The following KCNIP3 variants were observed in gnomAD, a reference collection of about 807,000 sequenced individuals.
The protein encoded by KCNIP3 is potassium voltage-gated channel interacting protein 3.
Under a neutral mutation model 35.0 loss-of-function variants are expected in KCNIP3, and 28 were observed. That is an observed-to-expected ratio of 0.80 (90% CI 0.59 to 1.10). The LOEUF (loss-of-function observed/expected upper bound fraction) is 1.10, where lower values mean the gene tolerates loss of function less well. KCNIP3 is among the 50% of genes least tolerant of loss of function. The probability of loss-of-function intolerance (pLI) is 0.00; values close to 1 mark genes in which losing one functional copy is unlikely to be tolerated. For missense variants in KCNIP3, 295 were observed against 338.4 expected, an observed-to-expected ratio of 0.87 and a Z score of 1.01; for synonymous variants, 134 against 133.8, an observed-to-expected ratio of 1.00 and a Z score of -0.01.
intron 2 of KCNIP3, among the ~76,000 whole-genome samples, chr2:95,370,376 T>A (rs1680014892): frequency 6.6e-6 from 1 of 152,250 alleles, no homozygotes; most frequent in South Asian, 2.1e-4. Context: ...ATGCGCTTAC[T>A]CAAGGATGTG....
At chr2:95,372,688 G>A (rs1680068566) in intron 2 of KCNIP3, among the ~76,000 whole-genome samples, 2 of 152,218 alleles carry the variant, frequency 1.3e-5, no homozygotes, top group African/African-American at 4.8e-5. Flanking sequence ...GCCAGGTGCA[G>A]GCAGGTGGGT....
In KCNIP3 at chr2:95,377,135, C is replaced by T. The variant is rs569702483; in HGVS notation, c.447+1927C>T. On this transcript the variant is annotated intron_variant, in intron 5 of 8. Transcript: ENST00000295225. The surrounding 1 kb of genome is among the most constrained non-coding windows in gnomAD (Gnocchi z 4.7). ...GCAGCAGGGAGCCCCAGGTGAGCAGCGCCACACACAGATTTGCTGAACGCT... is the reference window on the plus strand; with the variant it reads ...GCAGCAGGGAGCCCCAGGTGAGCAGTGCCACACACAGATTTGCTGAACGCT... Among the ~76,000 whole-genome samples, 4 of 152,332 alleles carry T rather than the reference C, an allele frequency of 2.6e-5. No homozygotes were observed. Among genetic ancestry groups the T allele is most frequent in the South Asian group, 2.1e-4 (1 of 4,822 alleles).
chr2:95,314,131 A>G (rs975156167), intron 2 of KCNIP3, among the ~76,000 whole-genome samples: 4 of 152,156 alleles, frequency 2.6e-5, no homozygotes, highest in Non-Finnish European at 4.4e-5. Flanking sequence ...AAAATCATAA[A>G]GACACCACCA....
rs1249732420 is a variant in KCNIP3 at position 95,377,474 on chromosome 2, CTGTGCACTCT to C, written c.447+2274_447+2283del. Among the ~76,000 whole-genome samples the C allele has an allele frequency of 6.6e-6, 1 of 152,266 alleles. No individual in the cohort carries two copies. The highest frequency in any genetic ancestry group is 1.5e-5 in the Non-Finnish European group (1 of 68,050). ...CTCCGGGCTCTGCCGGGAGACCCTC[CTGTGCACTCT>C]TGTGCACCTTCACCTGGAAGTATGC... On this transcript the variant is annotated intron_variant, in intron 5 of 8. Coordinates refer to ENST00000295225, the MANE Select transcript of KCNIP3 (RefSeq NM_013434.5). This position sits in a 1 kb window ranked among gnomAD's most constrained non-coding sequence, Gnocchi z 4.7.
chr2:95,316,711 C>T (rs1450956123), intron 2 of KCNIP3, among the ~76,000 whole-genome samples: 1 of 152,188 alleles, frequency 6.6e-6, no homozygotes, highest in African/African-American at 2.4e-5. Context: ...CAGAGATAAG[C>T]TGCCCTCACT....
At chr2:95,304,541 G>T (rs1248512231) in intron 1 of KCNIP3, among the ~76,000 whole-genome samples, 1 of 152,204 alleles carries the variant, frequency 6.6e-6, no homozygotes, top group African/African-American at 2.4e-5. Flanking sequence ...AAGCCCCCAG[G>T]ACGCAGCTGA....
intron 1 of KCNIP3, 175 bp from the exon 2 acceptor site, chr2:95,310,180 C>A: frequency 1.3e-6 from 1 of 758,288 alleles, no homozygotes; most frequent in Non-Finnish European, 2.3e-6. Flanking sequence ...AAAGGAACCT[C>A]CCCAGGTCTG....
chr2:95,359,318 GAC>G (rs149330224), intron 2 of KCNIP3, among the ~76,000 whole-genome samples: 4,355 of 152,290 alleles, frequency 0.029, 224 homozygotes, highest in African/African-American at 0.099. Context: ...ACAACGGTGA[GAC>G]AGTTGTGGGA....
intron 2 of KCNIP3, among the ~76,000 whole-genome samples, chr2:95,324,780 G>A (rs1000613934): frequency 2.6e-5 from 4 of 151,332 alleles, no homozygotes; most frequent in Admixed American, 2.0e-4. Context: ...GCGTAGTGGC[G>A]GGCGCCTGTA....
At chr2:95,324,291 C>T (rs1475795723) in intron 2 of KCNIP3, among the ~76,000 whole-genome samples, 1 of 152,048 alleles carries the variant, frequency 6.6e-6, no homozygotes, top group Non-Finnish European at 1.5e-5. Flanking sequence ...GCAGGCGGAT[C>T]ACGAGGTCAG....
At chr2:95,321,035 A>ACCCCCAGCCTCTCCTCCCCACC (rs1678583828) in intron 2 of KCNIP3, among the ~76,000 whole-genome samples, 1 of 58,920 alleles carries the variant, frequency 1.7e-5, no homozygotes, top group Non-Finnish European at 3.3e-5. Context: ...TCCTCCCCAC[A>ACCCCCAGCCTCTCCTCCCCACC]CCCCCAGCCT....
At position 95,334,760 on chromosome 2, in the gene KCNIP3, G is replaced by A. The variant is rs568137143; in HGVS notation, c.181+24240G>A. Among the ~76,000 whole-genome samples the A allele has an allele frequency of 8.5e-5, 13 of 152,340 alleles. No individual in the cohort carries two copies. In the East Asian group the frequency reaches 2.5e-3, roughly 29 times the overall value. ...TTTCATCACTGGGGACCAGGAAGCAGGGTGAGGGGCTCACAGGACAAGCTG... is the reference window on the plus strand; with the variant it reads ...TTTCATCACTGGGGACCAGGAAGCAAGGTGAGGGGCTCACAGGACAAGCTG... On this transcript the variant is annotated intron_variant, in intron 2 of 8. Transcript: ENST00000295225.
chr2:95,313,152 C>A (rs1453373852), intron 2 of KCNIP3: 6 of 152,402 alleles, frequency 3.9e-5, no homozygotes, highest in Non-Finnish European at 5.9e-5. Context: ...AGACACTGTG[C>A]CCTTGTACTG....
At chr2:95,313,680 A>G (rs1427697806) in intron 2 of KCNIP3, 5 of 152,200 alleles carry the variant, frequency 3.3e-5, no homozygotes, top group African/African-American at 7.2e-5. Context: ...TTCAACTGGA[A>G]TAATAATGTC....
In KCNIP3 at chr2:95,382,365, C is replaced by T; in HGVS notation, c.556-12C>T. 2.6e-6 allele frequency: 4 copies of T among 1,550,640 alleles called. No individual in the cohort carries two copies. The highest frequency in any genetic ancestry group is 1.2e-5 in the South Asian group (1 of 82,948). On this transcript the variant is annotated splice_polypyrimidine_tract_variant and intron_variant, in intron 6 of 8. Coordinates refer to ENST00000295225, the MANE Select transcript of KCNIP3 (RefSeq NM_013434.5). This position sits in a 1 kb window ranked among gnomAD's most constrained non-coding sequence, Gnocchi z 4.5. ...GGCCTTGCAGCAGGCTCATGCCAGC[C>T]TCCCCCTCCAGGAGATGCTGGCCAT...
intron 2 of KCNIP3, among the ~76,000 whole-genome samples, chr2:95,322,743 C>T (rs1259689479): frequency 2.6e-5 from 4 of 152,208 alleles, no homozygotes; most frequent in East Asian, 3.9e-4. Context: ...CCGCTTATCC[C>T]GGCACAGGGG....
chr2:95,309,050 G>C (rs908276125), intron 1 of KCNIP3, among the ~76,000 whole-genome samples: 1 of 152,160 alleles, frequency 6.6e-6, no homozygotes, highest in Non-Finnish European at 1.5e-5. Context: ...GCATGTGGGG[G>C]TGGTGCCACT....
Position 95,383,234 on chromosome 2 carries a change from A to G in KCNIP3, c.663A>G (p.Lys221=). 1 of 1,613,718 alleles carries G rather than the reference A, an allele frequency of 6.2e-7. No individual in the cohort carries two copies. The highest frequency in any genetic ancestry group is 1.3e-5 in the African/African-American group (1 of 75,000). The change falls in exon 8 of 9, where the codon AAA becomes AAG. Residue 221 remains lysine (K), a splice_region_variant and synonymous_variant. Transcript: ENST00000295225. ...TTTGGGCATGGCTTGGGTTGCAGAAAATGGACCGGAACCAGGATGGGGTAG... is the reference window on the plus strand; with the variant it reads ...TTTGGGCATGGCTTGGGTTGCAGAAGATGGACCGGAACCAGGATGGGGTAG... The part of the protein sequence containing the change: ...PAEHVERFFE[K]MDRNQDGVVT...
At chr2:95,354,608 C>CCCAA (rs1430735123) in intron 2 of KCNIP3, among the ~76,000 whole-genome samples, 2 of 152,132 alleles carry the variant, frequency 1.3e-5, no homozygotes, top group Non-Finnish European at 2.9e-5. Context: ...GGGAGGTGAC[C>CCCAA]CCAAACACTG....
Sources: gnomAD v4.1 joint callset for allele counts (sites outside exome capture counted in the v4.1 genomes callset) on GRCh38, gnomAD v4.1.1 for gene constraint, Gnocchi (gnomAD v3.1) non-coding constraint, MANE v1.5 for transcripts, NCBI Gene and HGNC (gene_info 2026-07-23, HGNC 2026-07-21) for gene names.